The following SCLT1 variants were observed in gnomAD, a reference collection of about 807,000 sequenced individuals.
The protein encoded by SCLT1 is sodium channel-associated protein 1.
SCLT1 carries 78 observed loss-of-function variants against 112.8 expected under a neutral mutation model. The ratio of observed to expected loss-of-function variants is 0.69; its 90% CI spans 0.58 to 0.83. SCLT1 has a LOEUF of 0.83. Ranked by LOEUF, SCLT1 falls within the 40% of genes least tolerant of loss-of-function variation. The pLI is 0.00. For synonymous variants in SCLT1, 257 were observed against 254.7 expected, an observed-to-expected ratio of 1.01 and a Z score of -0.09; for missense variants, 747 against 770.4, an observed-to-expected ratio of 0.97 and a Z score of 0.36.
At chr4:128,876,954 G>T (rs1273292092) in intron 3 of SCLT1, among the ~76,000 whole-genome samples, 4 of 152,034 alleles carry the variant, frequency 2.6e-5, no homozygotes, top group African/African-American at 9.7e-5. Context: ...TTTTTGCTTC[G>T]ATCCCACCAC....
chr4:128,993,654 G>C (rs942430374), intron 8 of SCLT1, among the ~76,000 whole-genome samples: 5 of 151,946 alleles, frequency 3.3e-5, no homozygotes, highest in African/African-American at 1.2e-4. Context: ...TAGGAGACTC[G>C]AGAAGGTGCA....
intron 9 of SCLT1, among the ~76,000 whole-genome samples, chr4:128,978,900 G>A (rs1354445997): frequency 9.9e-5 from 15 of 152,138 alleles, no homozygotes; most frequent in Admixed American, 5.2e-4. Flanking sequence ...ATAATAGAAA[G>A]AGGAGAAAGA....
At chr4:129,055,264 C>T (rs771778465) in intron 2 of SCLT1, among the ~76,000 whole-genome samples, 1 of 152,202 alleles carries the variant, frequency 6.6e-6, no homozygotes, top group South Asian at 2.1e-4. Flanking sequence ...CTGGAGGAGG[C>T]ACTCAGTCCC....
intron 18 of SCLT1, among the ~76,000 whole-genome samples, chr4:128,919,037 AAGATATTC>A (rs1735681551): frequency 6.6e-6 from 1 of 152,140 alleles, no homozygotes; most frequent in Admixed American, 6.6e-5. Context: ...AAAACTAGCA[AAGATATTC>A]AGGATCTGCA....
chr4:129,038,203 C>T lies in SCLT1; in HGVS notation c.290+838G>A, dbSNP rs72924180. On this transcript the variant is annotated intron_variant, in intron 5 of 20. Coordinates refer to ENST00000281142, the MANE Select transcript of SCLT1 (RefSeq NM_144643.4). ...AAAACAACAATAAAAAAGTATTTAA[C>T]AGTCAAAATGATGAAAATTAAGCTT... 722 of 153,630 alleles carry T rather than the reference C, an allele frequency of 4.7e-3. 4 individuals are homozygous for T. Among genetic ancestry groups the T allele is most frequent in the African/African-American group, 0.016 (659 of 41,452 alleles). 9.5% of individuals were successfully genotyped at this position (153,630 alleles called of 1,614,324 possible). A position where few individuals can be genotyped will look rare whatever the true frequency, so the allele number is the denominator to read the frequency against.
At chr4:129,090,041 C>G (rs918351716) in intron 1 of SCLT1, among the ~76,000 whole-genome samples, 1 of 152,114 alleles carries the variant, frequency 6.6e-6, no homozygotes, top group Non-Finnish European at 1.5e-5. Context: ...TTTCTACATA[C>G]TAGCAACGAA....
chr4:129,022,175 T>C (rs756220602), intron 5 of SCLT1, among the ~76,000 whole-genome samples: 4 of 152,050 alleles, frequency 2.6e-5, no homozygotes, highest in African/African-American at 4.8e-5. Context: ...GATAAATCCA[T>C]GAAGATGAGG....
chr4:128,911,622 T>G (rs993727688), intron 18 of SCLT1, among the ~76,000 whole-genome samples: 19 of 152,182 alleles, frequency 1.2e-4, no homozygotes, highest in African/African-American at 4.6e-4. Flanking sequence ...TTACATTTAG[T>G]TTTGACCATA....
intron 5 of SCLT1, among the ~76,000 whole-genome samples, chr4:129,010,219 A>C (rs1190166876): frequency 6.6e-6 from 1 of 152,152 alleles, no homozygotes; most frequent in African/African-American, 2.4e-5. Flanking sequence ...AGAATCAGAT[A>C]GTTGTAGGTG....
intron 1 of SCLT1, among the ~76,000 whole-genome samples, chr4:129,083,450 C>CAAAAAA (rs10708320): frequency 1.7e-5 from 2 of 116,416 alleles, no homozygotes; most frequent in Non-Finnish European, 3.4e-5. Flanking sequence ...TATCAAGAAC[C>CAAAAAA]AAAAAAAAAA....
intron 16 of SCLT1, among the ~76,000 whole-genome samples, chr4:128,944,178 A>G (rs1196875894): frequency 2.0e-5 from 3 of 152,098 alleles, no homozygotes; most frequent in Non-Finnish European, 4.4e-5. Context: ...ACTGTTTCCT[A>G]CATTAAATCC....
In SCLT1 at chr4:129,039,003, CAAT is replaced by C. The variant is rs776374653; in HGVS notation, c.290+35_290+37del. 11 of 1,211,652 alleles carry C rather than the reference CAAT, an allele frequency of 9.1e-6. No individual in the cohort carries two copies. In the Admixed American group the frequency reaches 1.9e-4, roughly 21 times the overall value. 75.1% of individuals were successfully genotyped at this position (1,211,652 alleles called of 1,614,324 possible). On this transcript the variant is annotated intron_variant, in intron 5 of 20. Coordinates refer to ENST00000281142, the MANE Select transcript of SCLT1 (RefSeq NM_144643.4). ...TAACAAAAATAAAAGTTACCTAAGACAATAATAAAAGATAAAACCAATAGTTAA... is the reference window on the plus strand; with the variant it reads ...TAACAAAAATAAAAGTTACCTAAGACAATAAAAGATAAAACCAATAGTTAA...
rs77951722 is a variant in SCLT1 at position 129,069,773 on chromosome 4, T to G, written c.102+12533A>C. ...CTTTCTCTTGTCTGATCGCTCTGGC[T>G]AGGGCTTCCAGTATGATGTTGAAGA... On this transcript the variant is annotated intron_variant, in intron 2 of 20. Coordinates refer to ENST00000281142, the MANE Select transcript of SCLT1 (RefSeq NM_144643.4). 4.5e-3 allele frequency among the ~76,000 whole-genome samples: 684 copies of G among 152,240 alleles called. 4 individuals carry two copies. Among genetic ancestry groups the G allele is most frequent in the African/African-American group, 0.014 (582 of 41,546 alleles).
intron 14 of SCLT1, chr4:128,952,385 A>G (rs1206847905): frequency 2.2e-6 from 1 of 460,756 alleles, no homozygotes; most frequent in Admixed American, 2.3e-5. Context: ...CTCTTGGCCT[A>G]CTCATTCCTC....
intron 9 of SCLT1, among the ~76,000 whole-genome samples, chr4:128,990,861 G>A: frequency 6.7e-6 from 1 of 148,296 alleles, no homozygotes; most frequent in Non-Finnish European, 1.5e-5. Context: ...AAATACTCAG[G>A]AACAAAAAAC....
Position 128,974,562 on chromosome 4 carries a change from G to A in SCLT1, c.687-4094C>T, listed in dbSNP as rs73847327. Among the ~76,000 whole-genome samples, 574 of 152,192 alleles carry A rather than the reference G, an allele frequency of 3.8e-3. 1 individual carries two copies. The highest frequency in any genetic ancestry group is 0.011 in the African/African-American group (475 of 41,536). ...TGCCTATCCTGAATGTGTTCTGGAC[G>A]CTAGATGCTTGCCTATGTTCTTTTT... On this transcript the variant is annotated intron_variant, in intron 9 of 20. Transcript: ENST00000281142.
chr4:128,904,048 T>C (rs1734513825), intron 18 of SCLT1, among the ~76,000 whole-genome samples: 2 of 152,144 alleles, frequency 1.3e-5, no homozygotes, highest in Non-Finnish European at 2.9e-5. Flanking sequence ...ATGATTTAAG[T>C]GTAGCTTGCC....
At chr4:129,013,511 T>C (rs182095007) in intron 5 of SCLT1, among the ~76,000 whole-genome samples, 1 of 152,328 alleles carries the variant, frequency 6.6e-6, no homozygotes, top group Non-Finnish European at 1.5e-5. Flanking sequence ...CTGGTAGTAA[T>C]GAAATTCCTC....
In SCLT1 at chr4:128,936,588, G is replaced by C. The variant is rs911518587; in HGVS notation, c.1829+67C>G. The C allele has an allele frequency of 2.0e-5, 18 of 896,904 alleles. No homozygotes were observed. The African/African-American group carries it at 3.1e-4, about 15-fold the overall frequency. 55.6% of individuals were successfully genotyped at this position (896,904 alleles called of 1,614,324 possible). A position where few individuals can be genotyped will look rare whatever the true frequency, so the allele number is the denominator to read the frequency against. ...CATTTTTTAAAAAAGATTATGGCAA[G>C]GACATTAAACTATAGGTTAAAGAAT... On this transcript the variant is annotated intron_variant, in intron 18 of 20. Transcript: ENST00000281142.
Sources: allele counts gnomAD v4.1 joint callset (sites outside exome capture counted in the v4.1 genomes callset), GRCh38; gene constraint gnomAD v4.1.1; transcripts MANE v1.5; gene names NCBI Gene and HGNC (gene_info 2026-07-23, HGNC 2026-07-21).